Variants in SMIM41 observed in about 807,000 individuals in gnomAD.
SMIM41 encodes small integral membrane protein 41.
chr12:52,096,351 CG>C (rs939629023), intron 2 of SMIM41, among the ~76,000 whole-genome samples: 4 of 151,684 alleles, frequency 2.6e-5, no homozygotes, highest in African/African-American at 9.7e-5. Context: ...ATATTATATT[CG>C]GGTCAATATC....
chr12:52,097,317 G>A (rs1384245856), intron 2 of SMIM41, among the ~76,000 whole-genome samples: 1 of 151,704 alleles, frequency 6.6e-6, no homozygotes, highest in Non-Finnish European at 1.5e-5. Context: ...GCAGGGGGGC[G>A]GGCGACCCCC....
rs113264881 is a variant in SMIM41 at position 52,107,397 on chromosome 12, A to T, written c.*214A>T. On this transcript the variant is annotated 3_prime_UTR_variant, in exon 3 of 3. Transcript: ENST00000546390. Reference sequence around the variant, plus strand: ...CTCCTAGAACCTCAGAGGATCCAGAACGGCAGCTGGTCCTTGCTGGACTGT... The same window carrying T: ...CTCCTAGAACCTCAGAGGATCCAGATCGGCAGCTGGTCCTTGCTGGACTGT... 0.083 allele frequency: 46,074 copies of T among 558,262 alleles called. 2,756 individuals carry two copies. Among genetic ancestry groups the T allele is most frequent in the African/African-American group, 0.23 (12,152 of 52,734 alleles). The allele number at this position is 558,262 out of a possible 1,614,324, so 34.6% of individuals were successfully genotyped here.
At chr12:52,102,339 A>G (rs1394297717) in intron 2 of SMIM41, among the ~76,000 whole-genome samples, 1 of 152,252 alleles carries the variant, frequency 6.6e-6, no homozygotes, top group Non-Finnish European at 1.5e-5. Context: ...CTGGGATGTG[A>G]CACCAAAAGC....
In SMIM41 at chr12:52,081,100, T is replaced by C. The variant is rs1269500672; in HGVS notation, c.*120+919T>C. 1.3e-5 allele frequency among the ~76,000 whole-genome samples: 2 copies of C among 152,116 alleles called. No individual in the cohort carries two copies. Among genetic ancestry groups the C allele is most frequent in the South Asian group, 2.1e-4 (1 of 4,828 alleles). On this transcript the variant is annotated intron_variant, in intron 1 of 2. Transcript: ENST00000546390. The surrounding 1 kb of genome is among the most constrained non-coding windows in gnomAD (Gnocchi z 4.1). ...TCTGGAGGGAAGGGCCTGGATGGCCTGAGGACAAGGTAACTACAGGCGAAA... is the reference window on the plus strand; with the variant it reads ...TCTGGAGGGAAGGGCCTGGATGGCCCGAGGACAAGGTAACTACAGGCGAAA...
At chr12:52,085,039 T>C (rs772197442) in intron 2 of SMIM41, among the ~76,000 whole-genome samples, 21 of 152,140 alleles carry the variant, frequency 1.4e-4, no homozygotes, top group Non-Finnish European at 2.9e-4. Flanking sequence ...ATACTGTGTG[T>C]GCGGTGGTGC....
intron 2 of SMIM41, among the ~76,000 whole-genome samples, chr12:52,089,234 A>G (rs76292067): frequency 1.4e-3 from 212 of 152,136 alleles, no homozygotes; most frequent in African/African-American, 5.0e-3. Context: ...GCAGACATTT[A>G]TTCTCTGATA....
rs900769943 is a variant in SMIM41 at position 52,079,751 on chromosome 12, C to G, written c.-29C>G. On this transcript the variant is annotated 5_prime_UTR_variant, in exon 1 of 3. Coordinates refer to ENST00000546390, the MANE Select transcript of SMIM41 (RefSeq NM_001369216.1). ...TGGGCTCCTGCACATCTGGCGATCC[C>G]GCCACATCTGGGCAGCCGGCGCTGG... 2.5e-6 allele frequency: 1 copy of G among 392,722 alleles called. No individual in the cohort carries two copies. Among genetic ancestry groups the G allele is most frequent in the African/African-American group, 2.1e-5 (1 of 48,334 alleles). The allele number at this position is 392,722 out of a possible 1,614,324, so 24.3% of individuals were successfully genotyped here. A position where few individuals can be genotyped will look rare whatever the true frequency, so the allele number is the denominator to read the frequency against.
chr12:52,098,742 G>GA (rs1258276040), intron 2 of SMIM41, among the ~76,000 whole-genome samples: 1 of 151,304 alleles, frequency 6.6e-6, no homozygotes, highest in Non-Finnish European at 1.5e-5. Flanking sequence ...CACGGGGGGG[G>GA]GGGTGTACTG....
At chr12:52,088,642 G>A (rs934804652) in intron 2 of SMIM41, among the ~76,000 whole-genome samples, 6 of 152,110 alleles carry the variant, frequency 3.9e-5, no homozygotes, top group Non-Finnish European at 8.8e-5. Context: ...TCATGTCCCC[G>A]GCCGCCACCT....
At chr12:52,089,855 TTAAC>T (rs1939967627) in intron 2 of SMIM41, among the ~76,000 whole-genome samples, 1 of 152,168 alleles carries the variant, frequency 6.6e-6, no homozygotes, top group Non-Finnish European at 1.5e-5. Context: ...TCGTCTTAAT[TTAAC>T]TAATTACATC....
At chr12:52,093,056 G>T (rs1243750420) in intron 2 of SMIM41, among the ~76,000 whole-genome samples, 2 of 151,994 alleles carry the variant, frequency 1.3e-5, no homozygotes, top group African/African-American at 4.8e-5. Flanking sequence ...AGATTGGTGT[G>T]GTGCGGTGGT....
At chr12:52,096,804 C>T (rs185241213) in intron 2 of SMIM41, among the ~76,000 whole-genome samples, 24 of 151,904 alleles carry the variant, frequency 1.6e-4, no homozygotes, top group Non-Finnish European at 3.2e-4. Context: ...AATTGCGATA[C>T]GTAATATTGC....
chr12:52,083,238 C>CCA (rs1939842817), intron 1 of SMIM41, among the ~76,000 whole-genome samples: 1 of 152,016 alleles, frequency 6.6e-6, no homozygotes, highest in African/African-American at 2.4e-5. Flanking sequence ...GAGGCAGCAA[C>CCA]GGTCTGACAG....
At chr12:52,083,726 T>C (rs1293549070) in intron 1 of SMIM41, among the ~76,000 whole-genome samples, 168 bp from the exon 2 acceptor site, 1 of 152,210 alleles carries the variant, frequency 6.6e-6, no homozygotes. Context: ...GAATTCTAGA[T>C]TGCAAAACTT....
intron 2 of SMIM41, among the ~76,000 whole-genome samples, chr12:52,093,967 C>T (rs1940046503): frequency 6.6e-6 from 1 of 151,604 alleles, no homozygotes. Context: ...CCTGTCTCTA[C>T]AAAAAATAGA....
chr12:52,085,178 C>T (rs548611593), intron 2 of SMIM41, among the ~76,000 whole-genome samples: 2 of 152,342 alleles, frequency 1.3e-5, no homozygotes, highest in African/African-American at 2.4e-5. Flanking sequence ...AAGGGTGGTT[C>T]TGGCCACAGG....
intron 2 of SMIM41, among the ~76,000 whole-genome samples, chr12:52,091,849 T>C (rs989500721): frequency 5.3e-5 from 8 of 152,224 alleles, no homozygotes; most frequent in Non-Finnish European, 1.2e-4. Flanking sequence ...TTTAGGGAAG[T>C]GTTAACAACA....
chr12:52,093,812 A>G (rs1257383195), intron 2 of SMIM41, among the ~76,000 whole-genome samples: 6 of 152,174 alleles, frequency 3.9e-5, no homozygotes, highest in East Asian at 1.9e-4. Flanking sequence ...TTGGATTATC[A>G]TTCAACAAAA....
At chr12:52,099,236 C>T (rs539058699) in intron 2 of SMIM41, among the ~76,000 whole-genome samples, 81 of 151,834 alleles carry the variant, frequency 5.3e-4, no homozygotes, top group Non-Finnish European at 9.0e-4. Context: ...TCATCCTGTG[C>T]CCCCTGGATG....
Sources: gnomAD v4.1 joint callset for allele counts (sites outside exome capture counted in the v4.1 genomes callset) on GRCh38, gnomAD v4.1.1 for gene constraint, Gnocchi (gnomAD v3.1) non-coding constraint, MANE v1.5 for transcripts, NCBI Gene and HGNC (gene_info 2026-07-23, HGNC 2026-07-21) for gene names.